KLHL12: variants seen among roughly 807,000 people sequenced by gnomAD.
KLHL12 encodes the protein kelch like family member 12.
A neutral mutation model predicts 60.8 loss-of-function variants in KLHL12; 17 were observed. That is an observed-to-expected ratio of 0.28 (90% confidence interval 0.19 to 0.42). The LOEUF is 0.42. KLHL12 is among the 10% of genes least tolerant of loss of function. KLHL12 has a pLI of 1.00. For synonymous variants in KLHL12, 220 were observed against 250.9 expected, an observed-to-expected ratio of 0.88 and a Z score of 1.16; for missense variants, 468 against 722.3, an observed-to-expected ratio of 0.65 and a Z score of 4.04.
At chr1:202,928,274 C>A (rs1243334729), upstream of KLHL12, among the ~76,000 whole-genome samples, 200 of 123,708 alleles carry the variant, frequency 1.6e-3, no homozygotes, top group African/African-American at 2.2e-3. Flanking sequence ...GACTCCGTCT[C>A]AAAAAAAAAA....
chr1:202,921,033 T>C (rs144773467), intron 2 of KLHL12, among the ~76,000 whole-genome samples: 6 of 151,770 alleles, frequency 4.0e-5, no homozygotes, highest in Non-Finnish European at 8.8e-5. Flanking sequence ...TTTGTTGAGA[T>C]AGGGTCTTGC....
In KLHL12 at chr1:202,893,452, T is replaced by C. The variant is rs762905234; in HGVS notation, c.1394-27A>G. 3 of 1,568,472 alleles carry C rather than the reference T, an allele frequency of 1.9e-6. No individual in the cohort carries two copies. Among genetic ancestry groups the C allele is most frequent in the Non-Finnish European group, 8.7e-7 (1 of 1,143,776 alleles). ...TGGGGAAAATGAATGCATTAGCAAA[T>C]GTATGGTACTAAGCCTAGAATCTGA... is the stretch of plus-strand genomic sequence containing the variant. On this transcript the variant is annotated intron_variant, in intron 10 of 11. Coordinates refer to ENST00000367261, the MANE Select transcript of KLHL12 (RefSeq NM_021633.4). The surrounding 1 kb of genome is among the most constrained non-coding windows in gnomAD (Gnocchi z 4.1).
At chr1:202,899,464 G>A (rs76919961) in intron 6 of KLHL12, among the ~76,000 whole-genome samples, 1,701 of 152,206 alleles carry the variant, frequency 0.011, 26 homozygotes, top group African/African-American at 0.038. Context: ...CTTGTCTTAT[G>A]TACTTGCCAA....
intron 6 of KLHL12, among the ~76,000 whole-genome samples, chr1:202,903,417 G>A (rs1336904870): frequency 2.1e-5 from 3 of 140,096 alleles, no homozygotes; most frequent in Non-Finnish European, 4.6e-5. Flanking sequence ...GCCCTTCTGC[G>A]AACTGTACAC....
rs1339304230 is a variant in KLHL12, at chr1:202,918,494, T to C, written c.350-106A>G. On this transcript the variant is annotated intron_variant, in intron 3 of 11. Transcript: ENST00000367261. ...TCTCTACATGTTATCAGATGAACCCTTGTTTCAACACCTAAGAAACAGATT... is the reference window on the plus strand; with the variant it reads ...TCTCTACATGTTATCAGATGAACCCCTGTTTCAACACCTAAGAAACAGATT... The C allele has an allele frequency of 2.1e-5, 17 of 822,146 alleles. No individual in the cohort carries two copies. In the Admixed American group the frequency reaches 3.5e-4, roughly 17 times the overall value. 50.9% of individuals were successfully genotyped at this position (822,146 alleles called of 1,614,324 possible).
chr1:202,898,276 G>T (rs959601110), intron 6 of KLHL12, among the ~76,000 whole-genome samples: 7 of 152,212 alleles, frequency 4.6e-5, no homozygotes, highest in Non-Finnish European at 7.3e-5. Flanking sequence ...CTCATGGAGA[G>T]AATAGTTAGC....
At position 202,891,650 on chromosome 1, in the gene KLHL12, G is replaced by T. The variant is rs754074018; in HGVS notation, c.*883C>A. ...CCCATTCAAGGCAAACATTGCCATG[G>T]CTAGATGAGCCCTGGCAGGTAATAA... On this transcript the variant is annotated 3_prime_UTR_variant, in exon 12 of 12. Coordinates refer to ENST00000367261, the MANE Select transcript of KLHL12 (RefSeq NM_021633.4). 21 of 152,198 alleles carry T rather than the reference G, an allele frequency of 1.4e-4. No homozygotes were observed. The highest frequency in any genetic ancestry group is 2.5e-4 in the Non-Finnish European group (17 of 68,034). The allele number at this position is 152,198 out of a possible 1,614,324, so 9.4% of individuals were successfully genotyped here. A position where few individuals can be genotyped will look rare whatever the true frequency, so the allele number is the denominator to read the frequency against.
chr1:202,906,491 G>GGGA (rs772305070), intron 6 of KLHL12, among the ~76,000 whole-genome samples: 451 of 150,118 alleles, frequency 3.0e-3, no homozygotes, highest in Non-Finnish European at 5.1e-3. Context: ...TTCCTACCCT[G>GGGA]GGAGGAAAGG....
intron 6 of KLHL12, among the ~76,000 whole-genome samples, chr1:202,901,520 T>C (rs1660007168): frequency 2.6e-5 from 4 of 151,578 alleles, no homozygotes; most frequent in Admixed American, 2.6e-4. Flanking sequence ...CAGGCTGGTC[T>C]CTAACTCCTG....
At chr1:202,924,237 T>C (rs916008451) in intron 2 of KLHL12, among the ~76,000 whole-genome samples, 2 of 148,982 alleles carry the variant, frequency 1.3e-5, no homozygotes, top group African/African-American at 5.2e-5. Context: ...TAATTCCCTT[T>C]GTTAAGTGCT....
chr1:202,895,751 T>A lies in KLHL12; in HGVS notation c.940-34A>T, dbSNP rs116649176. The A allele has an allele frequency of 3.5e-4, 545 of 1,579,504 alleles. 1 individual carries two copies. The African/African-American group carries it at 6.7e-3, about 19-fold the overall frequency. On this transcript the variant is annotated intron_variant, in intron 7 of 11. Transcript: ENST00000367261. The surrounding 1 kb of genome is among the most constrained non-coding windows in gnomAD (Gnocchi z 4.2). ...TTGGAGAGAAGAGGTACAGAGCATT[T>A]CAGTTAGGCAAGTTTTGGGCCTTAC...
At chr1:202,912,536 G>A in intron 4 of KLHL12, 1 of 1,025,284 alleles carries the variant, frequency 9.8e-7, no homozygotes, top group Non-Finnish European at 1.5e-6. Flanking sequence ...TTTTGGAGGT[G>A]GTGGAAGCTA....
chr1:202,902,710 C>T (rs908886028), intron 6 of KLHL12, among the ~76,000 whole-genome samples: 14 of 152,088 alleles, frequency 9.2e-5, no homozygotes, highest in African/African-American at 3.1e-4. Context: ...ATTTTTTGAG[C>T]CAGGCATGGT....
Position 202,909,144 on chromosome 1 carries a change from A to G in KLHL12, c.718-20T>C, listed in dbSNP as rs748412044. The G allele has an allele frequency of 6.7e-7, 1 of 1,491,400 alleles. No individual in the cohort carries two copies. Among genetic ancestry groups the G allele is most frequent in the Admixed American group, 1.7e-5 (1 of 59,820 alleles). 92.4% of individuals were successfully genotyped at this position (1,491,400 alleles called of 1,614,324 possible). ...GAAAGGCTGAAATATAGCAGACAGC[A>G]GAGTTAGGCACTGGGGATACCTGTA... On this transcript the variant is annotated intron_variant, in intron 5 of 11. Transcript: ENST00000367261. The surrounding 1 kb of genome is among the most constrained non-coding windows in gnomAD (Gnocchi z 4.1).
In KLHL12 at chr1:202,927,120, G is replaced by A. The variant is rs934347322; in HGVS notation, c.-77C>T. Reference sequence around the variant, plus strand: ...TCCCGAACCCACACAGCCGCACCGGGCCCGTCCCCAGCCTGTGGGGATGGA... The same window carrying A: ...TCCCGAACCCACACAGCCGCACCGGACCCGTCCCCAGCCTGTGGGGATGGA... On this transcript the variant is annotated 5_prime_UTR_variant, in exon 1 of 12. Transcript: ENST00000367261. The A allele has an allele frequency of 1.5e-5, 15 of 985,526 alleles. No homozygotes were observed. The South Asian group carries it at 6.1e-4, about 40-fold the overall frequency. 61.0% of individuals were successfully genotyped at this position (985,526 alleles called of 1,614,324 possible).
chr1:202,919,674 C>T (rs1660626170), intron 3 of KLHL12, 81 bp downstream of exon 3: 1 of 1,342,906 alleles, frequency 7.4e-7, no homozygotes, highest in South Asian at 1.5e-5. Flanking sequence ...CCAAAATGTT[C>T]ATGATTAAGT....
rs1659689964 is a variant in KLHL12 at position 202,892,009 on chromosome 1, C to T, written c.*524G>A. On this transcript the variant is annotated 3_prime_UTR_variant, in exon 12 of 12. Transcript: ENST00000367261. ...TGTCCCCAAAGTTTTGTGGGGCTCT[C>T]CCTTTTGTTTCCCTCTAGAATGGAA... is the stretch of plus-strand genomic sequence containing the variant. 6.6e-6 allele frequency: 1 copy of T among 151,886 alleles called. No individual in the cohort carries two copies. The highest frequency in any genetic ancestry group is 2.1e-4 in the South Asian group (1 of 4,816). The allele number at this position is 151,886 out of a possible 1,614,324, so 9.4% of individuals were successfully genotyped here. A position where few individuals can be genotyped will look rare whatever the true frequency, so the allele number is the denominator to read the frequency against.
At chr1:202,923,369 T>C (rs1449826376) in intron 2 of KLHL12, among the ~76,000 whole-genome samples, 1 of 152,224 alleles carries the variant, frequency 6.6e-6, no homozygotes, top group African/African-American at 2.4e-5. Context: ...GTATATCTCA[T>C]GGAGAACAGT....
chr1:202,926,856 C>T (rs1191970994), intron 1 of KLHL12, among the ~76,000 whole-genome samples: 1 of 152,132 alleles, frequency 6.6e-6, no homozygotes, highest in Non-Finnish European at 1.5e-5. Context: ...CCTAATACCA[C>T]CAGGCATATG....
Sources: gnomAD v4.1 joint callset for allele counts (sites outside exome capture counted in the v4.1 genomes callset) on GRCh38, gnomAD v4.1.1 for gene constraint, Gnocchi (gnomAD v3.1) non-coding constraint, MANE v1.5 for transcripts, NCBI Gene and HGNC (gene_info 2026-07-23, HGNC 2026-07-21) for gene names.